Variants in DLGAP4 observed in about 807,000 individuals in gnomAD.
DLGAP4 encodes DLG associated protein 4.
DLGAP4 carries 18 observed loss-of-function variants against 86.9 expected under a neutral mutation model. That is an observed-to-expected ratio of 0.21 (90% CI 0.14 to 0.31). The LOEUF is 0.31. Ranked by LOEUF, DLGAP4 falls within the 10% of genes least tolerant of loss-of-function variation. The pLI is 1.00. For synonymous variants in DLGAP4, 548 were observed against 574.3 expected, an observed-to-expected ratio of 0.95 and a Z score of 0.65; for missense variants, 1,085 against 1,362.6, an observed-to-expected ratio of 0.80 and a Z score of 3.21.
At chr20:36,419,019 C>T (rs536763597) in intron 2 of DLGAP4, among the ~76,000 whole-genome samples, 7 of 152,128 alleles carry the variant, frequency 4.6e-5, no homozygotes, top group Non-Finnish European at 8.8e-5. Flanking sequence ...TCATACCCAG[C>T]GCCACCCCCT....
At chr20:36,408,565 C>T (rs573923366) in intron 2 of DLGAP4, among the ~76,000 whole-genome samples, 73 of 152,276 alleles carry the variant, frequency 4.8e-4, no homozygotes, top group Non-Finnish European at 9.0e-4. Flanking sequence ...ATTGCCTTTG[C>T]GGGAAGAGGG....
chr20:36,462,678 G>GGGGCAAGGGCTGGCGCTA (rs2034152029), intron 7 of DLGAP4: 2 of 1,525,110 alleles, frequency 1.3e-6, no homozygotes, highest in African/African-American at 1.4e-5. Flanking sequence ...GGTTGGCGCT[G>GGGGCAAGGGCTGGCGCTA]GGGCAAGGGC....
intron 2 of DLGAP4, among the ~76,000 whole-genome samples, chr20:36,374,295 A>T (rs976177969): frequency 5.3e-5 from 8 of 152,116 alleles, no homozygotes; most frequent in Non-Finnish European, 8.8e-5. Context: ...GGATGTGCAT[A>T]TAGGGGCTGT....
intron 2 of DLGAP4, among the ~76,000 whole-genome samples, chr20:36,381,089 T>G (rs1407669975): frequency 6.6e-6 from 1 of 152,248 alleles, no homozygotes; most frequent in Non-Finnish European, 1.5e-5. Flanking sequence ...AAGAGATATT[T>G]AATGTACATA....
chr20:36,476,651 A>G (rs953267663), intron 7 of DLGAP4, among the ~76,000 whole-genome samples: 5 of 143,654 alleles, frequency 3.5e-5, no homozygotes, highest in African/African-American at 1.3e-4. Context: ...TCTTTCTATG[A>G]ATTCTATTAC....
chr20:36,500,319 C>A lies in DLGAP4; in HGVS notation c.2220C>A (p.Pro740=). The A allele has an allele frequency of 6.2e-7, 1 of 1,614,080 alleles. No individual in the cohort carries two copies. Among genetic ancestry groups the A allele is most frequent in the Non-Finnish European group, 8.5e-7 (1 of 1,179,936 alleles). ...GCCTCCCGGACTGTACCCCTCACCC[C>A]AACTCCATCAGCATCGATGCCGGTC... The part of the protein sequence containing the change: ...ERSLPDCTPH[P]NSISIDAGPR... The change falls in exon 10 of 13, where the codon CCC becomes CCA. Residue 740 remains proline (P), a synonymous_variant. Transcript: ENST00000339266. This position sits in a 1 kb window ranked among gnomAD's most constrained non-coding sequence, Gnocchi z 4.6.
Position 36,500,073 on chromosome 20 carries a change from A to G in DLGAP4, c.2100-126A>G. 1.7e-6 allele frequency: 2 copies of G among 1,149,056 alleles called. No individual in the cohort carries two copies. Among genetic ancestry groups the G allele is most frequent in the South Asian group, 1.6e-5 (1 of 62,014 alleles). 71.2% of individuals were successfully genotyped at this position (1,149,056 alleles called of 1,614,324 possible). A position where few individuals can be genotyped will look rare whatever the true frequency, so the allele number is the denominator to read the frequency against. ...GGGCTGTGGGACCCGCTTCAGGCGC[A>G]TGGTGAGCAGATGATGCATCCGTTT... On this transcript the variant is annotated intron_variant, in intron 9 of 12. Coordinates refer to ENST00000339266, the MANE Select transcript of DLGAP4 (RefSeq NM_001365621.2). The surrounding 1 kb of genome is among the most constrained non-coding windows in gnomAD (Gnocchi z 4.6).
intron 10 of DLGAP4, among the ~76,000 whole-genome samples, chr20:36,506,770 T>A (rs1357539516): frequency 6.6e-6 from 1 of 152,206 alleles, no homozygotes; most frequent in East Asian, 1.9e-4. Context: ...TCTCTAGAAC[T>A]TGTTTTGTCT....
At chr20:36,387,378 T>C (rs2031636764) in intron 2 of DLGAP4, among the ~76,000 whole-genome samples, 2 of 152,224 alleles carry the variant, frequency 1.3e-5, no homozygotes, top group South Asian at 2.1e-4. Flanking sequence ...TTCTTATTAA[T>C]TTGTAAAGAG....
At chr20:36,351,031 C>T (rs2030132796) in intron 1 of DLGAP4, among the ~76,000 whole-genome samples, 1 of 152,244 alleles carries the variant, frequency 6.6e-6, no homozygotes, top group Non-Finnish European at 1.5e-5. Context: ...TGCCGCCTGC[C>T]CTCCGGCGAG....
intron 7 of DLGAP4, chr20:36,462,366 C>T: frequency 2.2e-6 from 3 of 1,388,048 alleles, no homozygotes; most frequent in Non-Finnish European, 2.8e-6. Flanking sequence ...TCTGTGCCCC[C>T]ACATCTGTCT....
chr20:36,446,887 T>A lies in DLGAP4; in HGVS notation c.1598T>A (p.Leu533His). The A allele has an allele frequency of 6.2e-7, 1 of 1,613,150 alleles. No individual in the cohort carries two copies. Among genetic ancestry groups the A allele is most frequent in the Admixed American group, 1.7e-5 (1 of 60,000 alleles). The change falls in exon 7 of 13, where the codon CTC becomes CAC. Residue 533 changes from leucine (L) to histidine (H), a missense_variant. Coordinates refer to ENST00000339266, the MANE Select transcript of DLGAP4 (RefSeq NM_001365621.2). ...QEEDSVSLQS[L>H]SPPPSTGSLS... is the part of the protein sequence containing the mutation. ...GAGGACAGTGTCTCCCTGCAGTCCC[T>A]CTCCCCACCGCCCAGTACCGGCAGC...
At chr20:36,395,249 G>T (rs1353296154) in intron 2 of DLGAP4, among the ~76,000 whole-genome samples, 7 of 152,160 alleles carry the variant, frequency 4.6e-5, no homozygotes, top group Admixed American at 2.0e-4. Flanking sequence ...TGGCTTCCAA[G>T]AAGGTATTGT....
At chr20:36,496,225 G>A (rs1438910020) in intron 7 of DLGAP4, among the ~76,000 whole-genome samples, 1 of 152,010 alleles carries the variant, frequency 6.6e-6, no homozygotes, top group Non-Finnish European at 1.5e-5. Context: ...AGAGGGAATA[G>A]GGGAGAGGGA....
At chr20:36,382,360 G>A (rs1238831061) in intron 2 of DLGAP4, among the ~76,000 whole-genome samples, 1 of 150,746 alleles carries the variant, frequency 6.6e-6, no homozygotes, top group Non-Finnish European at 1.5e-5. Flanking sequence ...TGGCTGAGTA[G>A]TGCCACTGTG....
Position 36,432,766 on chromosome 20 carries a change from C to G in DLGAP4, c.999+50C>G, listed in dbSNP as rs988760116. 1 of 1,596,292 alleles carries G rather than the reference C, an allele frequency of 6.3e-7. No homozygotes were observed. Among genetic ancestry groups the G allele is most frequent in the Non-Finnish European group, 8.5e-7 (1 of 1,170,818 alleles). On this transcript the variant is annotated intron_variant, in intron 3 of 12. Coordinates refer to ENST00000339266, the MANE Select transcript of DLGAP4 (RefSeq NM_001365621.2). This position sits in a 1 kb window ranked among gnomAD's most constrained non-coding sequence, Gnocchi z 6.5. ...TGGGATGAGGGCTCTGGGGACGGCACCAGTTTTGAGGCCTAGACGTACCAC... is the reference window on the plus strand; with the variant it reads ...TGGGATGAGGGCTCTGGGGACGGCAGCAGTTTTGAGGCCTAGACGTACCAC...
chr20:36,344,303 C>T (rs2065414446), intron 1 of DLGAP4, among the ~76,000 whole-genome samples: 1 of 152,174 alleles, frequency 6.6e-6, no homozygotes, highest in African/African-American at 2.4e-5. Flanking sequence ...TTACTTTACC[C>T]GACTGCTGGG....
In DLGAP4 at chr20:36,407,546, G is replaced by C. The variant is rs2032360580; in HGVS notation, c.-72-24100G>C. On this transcript the variant is annotated intron_variant, in intron 2 of 12. Transcript: ENST00000339266. ...GGAGGGGTGACTCAAGCACCATGTA[G>C]CCCTGAGAGTCAGAAGAAAGGGCAT... is the stretch of plus-strand genomic sequence containing the variant. 2.6e-5 allele frequency among the ~76,000 whole-genome samples: 4 copies of C among 152,246 alleles called. No individual in the cohort carries two copies. In the South Asian group the frequency reaches 8.3e-4, roughly 32 times the overall value.
intron 2 of DLGAP4, among the ~76,000 whole-genome samples, chr20:36,428,164 G>A (rs2033031923): frequency 6.6e-6 from 1 of 152,196 alleles, no homozygotes; most frequent in African/African-American, 2.4e-5. Context: ...GTGAGGGAGG[G>A]AGGCACCTTG....
Sources: allele counts gnomAD v4.1 joint callset (sites outside exome capture counted in the v4.1 genomes callset), GRCh38; gene constraint gnomAD v4.1.1; non-coding constraint Gnocchi (gnomAD v3.1); transcripts MANE v1.5; gene names NCBI Gene and HGNC (gene_info 2026-07-23, HGNC 2026-07-21).